Variants in TNPO1 observed in about 807,000 individuals in gnomAD.
TNPO1 encodes the protein transportin-1.
TNPO1 carries 8 observed loss-of-function variants against 119.5 expected under a neutral mutation model. The ratio of observed to expected loss-of-function variants is 0.07; its 90% confidence interval spans 0.04 to 0.12. The LOEUF (loss-of-function observed/expected upper bound fraction) is 0.12. Ranked by LOEUF, TNPO1 falls within the 10% of genes least tolerant of loss-of-function variation. The pLI is 1.00. For missense variants in TNPO1, 576 were observed against 1,089.8 expected, an observed-to-expected ratio of 0.53 and a Z score of 6.64; for synonymous variants, 362 against 363.0, an observed-to-expected ratio of 1.00 and a Z score of 0.03.
Position 72,901,040 on chromosome 5 carries a change from C to T in TNPO1, c.2481C>T (p.Thr827=). The T allele has an allele frequency of 6.2e-7, 1 of 1,610,850 alleles. No homozygotes were observed. Among genetic ancestry groups the T allele is most frequent in the Non-Finnish European group, 8.5e-7 (1 of 1,178,514 alleles). The change falls in exon 22 of 25, where the codon ACC becomes ACT. Residue 827 remains threonine (T), a synonymous_variant. Transcript: ENST00000337273. The part of the protein sequence containing the change: ...EKDSAFRGIC[T]MISVNPSGVI... Reference sequence around the variant, plus strand: ...ATTCAGCATTCCGTGGAATTTGTACCATGATCAGTGTGAATCCCAGTGGCG... The same window carrying T: ...ATTCAGCATTCCGTGGAATTTGTACTATGATCAGTGTGAATCCCAGTGGCG...
intron 12 of TNPO1, 107 bp from the exon 13 acceptor site, chr5:72,887,971 A>G: frequency 7.8e-6 from 8 of 1,029,198 alleles, no homozygotes; most frequent in Non-Finnish European, 2.9e-6. Flanking sequence ...TGTGTATAGC[A>G]GTAGAAATAT....
intron 18 of TNPO1, among the ~76,000 whole-genome samples, chr5:72,895,310 G>T (rs1194299324): frequency 6.6e-6 from 1 of 151,146 alleles, no homozygotes; most frequent in Non-Finnish European, 1.5e-5. Flanking sequence ...AGACTTTATA[G>T]ATGGTATTGT....
intron 23 of TNPO1, 63 bp from the exon 24 acceptor site, chr5:72,905,240 A>T: frequency 8.2e-7 from 1 of 1,221,674 alleles, no homozygotes; most frequent in Non-Finnish European, 1.2e-6. Flanking sequence ...TGGATTTCAG[A>T]AGCTATGCTG....
intron 4 of TNPO1, 121 bp from the exon 5 acceptor site, chr5:72,861,686 AG>A (rs1718505161): frequency 1.5e-6 from 1 of 677,208 alleles, no homozygotes; most frequent in East Asian, 2.9e-5. Flanking sequence ...TTACAGCATG[AG>A]CCACCATGCC....
intron 1 of TNPO1, among the ~76,000 whole-genome samples, chr5:72,844,619 A>G (rs757107353): frequency 3.3e-5 from 5 of 152,248 alleles, no homozygotes; most frequent in Non-Finnish European, 7.3e-5. Context: ...ACTATTTTTC[A>G]AATTACACAT....
intron 1 of TNPO1, among the ~76,000 whole-genome samples, chr5:72,842,390 A>T (rs1315652740): frequency 6.6e-6 from 1 of 152,200 alleles, no homozygotes; most frequent in Non-Finnish European, 1.5e-5. Flanking sequence ...TTAGGCAAGT[A>T]ACTTCTCTGT....
chr5:72,889,495 T>G (rs1398383520), intron 13 of TNPO1, among the ~76,000 whole-genome samples: 19 of 152,174 alleles, frequency 1.2e-4, no homozygotes, highest in Admixed American at 1.2e-3. Context: ...TTTTAGCTAT[T>G]AATTGTTAAG....
chr5:72,858,619 C>T (rs1003886498), intron 4 of TNPO1, among the ~76,000 whole-genome samples: 3 of 152,060 alleles, frequency 2.0e-5, no homozygotes, highest in African/African-American at 4.8e-5. Flanking sequence ...GGGCGGATCA[C>T]GAGGTCAGGA....
chr5:72,892,549 A>G (rs907943854), intron 15 of TNPO1, among the ~76,000 whole-genome samples: 3 of 152,164 alleles, frequency 2.0e-5, no homozygotes, highest in Admixed American at 2.0e-4. Context: ...TTTTGTATGC[A>G]GTCGTCCCTC....
At position 72,877,308 on chromosome 5, in the gene TNPO1, G is replaced by A; in HGVS notation, c.882G>A (p.Gln294=). The A allele has an allele frequency of 6.2e-7, 1 of 1,612,276 alleles. No homozygotes were observed. The highest frequency in any genetic ancestry group is 1.1e-5 in the South Asian group (1 of 90,890). The stretch of plus-strand genomic sequence containing the variant: ...AATTTTGGCTAACTTTAGCTGAACA[G>A]CCAATATGCAAAGATGTACTCGTAA... ...ACEFWLTLAE[Q]PICKDVLVRH... The change falls in exon 9 of 25, where the codon CAG becomes CAA. Residue 294 remains glutamine, a synonymous_variant. Coordinates refer to ENST00000337273, the MANE Select transcript of TNPO1 (RefSeq NM_002270.4).
At chr5:72,900,147 T>G in intron 21 of TNPO1, 66 bp downstream of exon 21, 1 of 1,375,868 alleles carries the variant, frequency 7.3e-7, no homozygotes, top group Non-Finnish European at 1.0e-6. Context: ...TATCTCACTT[T>G]TAGATATATT....
chr5:72,856,040 C>G, intron 4 of TNPO1, 117 bp downstream of exon 4: 2 of 1,008,608 alleles, frequency 2.0e-6, no homozygotes, highest in Non-Finnish European at 3.0e-6. Flanking sequence ...GTTGGGGAAA[C>G]TTTCATTGCC....
rs199751753 is a variant in TNPO1 at position 72,848,391 on chromosome 5, A to G, written c.22A>G (p.Lys8Glu). 31 of 1,611,088 alleles carry G rather than the reference A, an allele frequency of 1.9e-5. No individual in the cohort carries two copies. The highest frequency in any genetic ancestry group is 2.6e-5 in the Non-Finnish European group (31 of 1,178,386). MVWDRQT[K>E]MEYEWKPDEQ... Reference sequence around the variant, plus strand: ...TGTCTGGCTTTATTTGCAGCAAACCAAGATGGAGTATGAGTGGAAACCTGA... The same window carrying G: ...TGTCTGGCTTTATTTGCAGCAAACCGAGATGGAGTATGAGTGGAAACCTGA... Residue 8 changes from lysine to glutamate, a missense_variant, in exon 2 of 25, where the codon AAG (lysine) becomes GAG (glutamate). Lys to Glu is a moderately conservative substitution (Grantham distance 56). Around this residue, in one of 6 missense-constraint regions of TNPO1, gnomAD observed 57 missense variants for 59.5 expected, o/e 0.96. Coordinates refer to ENST00000337273, the MANE Select transcript of TNPO1 (RefSeq NM_002270.4).
chr5:72,848,115 C>G, intron 1 of TNPO1: 1 of 1,142,768 alleles, frequency 8.8e-7, no homozygotes, highest in Non-Finnish European at 1.1e-6. Flanking sequence ...ATTGCAAATT[C>G]GCGGTGACTC....
intron 9 of TNPO1, among the ~76,000 whole-genome samples, chr5:72,878,145 G>A (rs1429478743): frequency 1.3e-5 from 2 of 151,898 alleles, no homozygotes; most frequent in African/African-American, 2.4e-5. Flanking sequence ...ATATGTGTAC[G>A]CTATAGAGAG....
intron 24 of TNPO1, among the ~76,000 whole-genome samples, chr5:72,906,482 G>A (rs1750178140): frequency 6.6e-6 from 1 of 151,448 alleles, no homozygotes; most frequent in Non-Finnish European, 1.5e-5. Flanking sequence ...AGTAGAGATG[G>A]GGTTTCACCA....
intron 1 of TNPO1, among the ~76,000 whole-genome samples, chr5:72,836,012 A>C (rs1312642934): frequency 2.0e-5 from 3 of 152,230 alleles, no homozygotes; most frequent in Admixed American, 6.5e-5. Context: ...TGGGCCCCCA[A>C]GTCTCCAGGT....
At chr5:72,902,124 G>C (rs1291726569) in intron 22 of TNPO1, among the ~76,000 whole-genome samples, 1 of 151,826 alleles carries the variant, frequency 6.6e-6, no homozygotes, top group Non-Finnish European at 1.5e-5. Flanking sequence ...ACTAAATTTT[G>C]GTTTCCAGGA....
chr5:72,902,930 T>C (rs1381065135), intron 22 of TNPO1, among the ~76,000 whole-genome samples: 1 of 152,202 alleles, frequency 6.6e-6, no homozygotes, highest in East Asian at 1.9e-4. Context: ...ACTGTAGTAT[T>C]ACCAAATTTT....
Sources: allele counts gnomAD v4.1 joint callset (sites outside exome capture counted in the v4.1 genomes callset), GRCh38; gene constraint gnomAD v4.1.1; regional missense constraint gnomAD v4.1.1; transcripts MANE v1.5; gene names NCBI Gene and HGNC (gene_info 2026-07-23, HGNC 2026-07-21).